The following HSPA4L variants were observed in gnomAD, a reference collection of about 807,000 sequenced individuals.
HSPA4L encodes the protein heat shock 70 kDa protein 4L.
A neutral mutation model predicts 100.3 loss-of-function variants in HSPA4L; 48 were observed. The ratio of observed to expected loss-of-function variants is 0.48; its 90% CI spans 0.38 to 0.61. The LOEUF is 0.61. HSPA4L is among the 20% of genes least tolerant of loss of function. The probability of loss-of-function intolerance (pLI) is 0.00; values close to 1 mark genes in which losing one functional copy is unlikely to be tolerated. For missense variants in HSPA4L, 886 were observed against 988.6 expected, an observed-to-expected ratio of 0.90 and a Z score of 1.39; for synonymous variants, 319 against 328.2, an observed-to-expected ratio of 0.97 and a Z score of 0.30.
Position 127,835,354 on chromosome 4 carries a change from A to ATTG in HSPA4L, c.*2483_*2485dup, listed in dbSNP as rs1734179782. ...AGTTGTACTGTGATTATAAAAAACAATTGTTAAATAATATAATGGAAGTTT... is the reference window on the plus strand; with the variant it reads ...AGTTGTACTGTGATTATAAAAAACAATTGTTGTTAAATAATATAATGGAAGTTT... On this transcript the variant is annotated 3_prime_UTR_variant, in exon 19 of 19. Coordinates refer to ENST00000296464, the MANE Select transcript of HSPA4L (RefSeq NM_014278.4). 1 of 152,218 alleles carries ATTG rather than the reference A, an allele frequency of 6.6e-6. No homozygotes were observed. The highest frequency in any genetic ancestry group is 2.4e-5 in the African/African-American group (1 of 41,454). 9.4% of individuals were successfully genotyped at this position (152,218 alleles called of 1,614,324 possible).
At chr4:127,791,506 T>A (rs1416672993) in intron 1 of HSPA4L, among the ~76,000 whole-genome samples, 5 of 152,246 alleles carry the variant, frequency 3.3e-5, no homozygotes, top group African/African-American at 1.2e-4. Flanking sequence ...ACTAGCCACA[T>A]TTCATGTGCA....
Position 127,803,754 on chromosome 4 carries a change from G to T in HSPA4L, c.789G>T (p.Leu263Phe), listed in dbSNP as rs148220546. Residue 263 changes from leucine (L) to phenylalanine (F), a missense_variant, in exon 7 of 19, where the codon TTG (leucine) becomes TTT (phenylalanine). Coordinates refer to ENST00000296464, the MANE Select transcript of HSPA4L (RefSeq NM_014278.4). ...KINVKENSRA[L>F]LRLYQECEKL... is the part of the protein sequence containing the mutation. The stretch of plus-strand genomic sequence containing the variant: ...ATGTGAAAGAAAACTCTCGGGCCTT[G>T]TTGCGTTTATATCAGGAATGTGAAA... 1.5e-5 allele frequency: 24 copies of T among 1,613,826 alleles called. No individual in the cohort carries two copies. In the Admixed American group the frequency reaches 2.2e-4, roughly 15 times the overall value.
At chr4:127,827,253 TTC>T (rs1733970182) in intron 16 of HSPA4L, 50 bp from the exon 17 acceptor site, 2 of 1,527,446 alleles carry the variant, frequency 1.3e-6, no homozygotes, top group Non-Finnish European at 9.0e-7. Flanking sequence ...TATAAAAGTT[TTC>T]TGTTAAAACT....
chr4:127,815,937 G>A (rs1003598442), intron 12 of HSPA4L, among the ~76,000 whole-genome samples: 1 of 152,184 alleles, frequency 6.6e-6, no homozygotes, highest in African/African-American at 2.4e-5. Flanking sequence ...TGTCCAGGCA[G>A]AGTGAATAAC....
chr4:127,794,042 T>C (rs746550365), intron 1 of HSPA4L, 35 bp from the exon 2 acceptor site: 1 of 1,498,684 alleles, frequency 6.7e-7, no homozygotes, highest in Non-Finnish European at 9.1e-7. Context: ...AATATAAAAG[T>C]ACCATGGAAC....
intron 12 of HSPA4L, among the ~76,000 whole-genome samples, chr4:127,812,516 T>C (rs1268894593): frequency 6.6e-6 from 1 of 152,112 alleles, no homozygotes; most frequent in African/African-American, 2.4e-5. Context: ...AGGAGAACTT[T>C]ATCGTATTTA....
Position 127,839,874 on chromosome 4 carries a change from A to T in HSPA4L, c.*7000A>T, listed in dbSNP as rs1004306848. On this transcript the variant is annotated 3_prime_UTR_variant, in exon 19 of 19. Transcript: ENST00000296464. Reference sequence around the variant, plus strand: ...GTCCTTTAATACCATAGCAAATAGAAGCAATTTTTAATGAGGTTACTGAAT... The same window carrying T: ...GTCCTTTAATACCATAGCAAATAGATGCAATTTTTAATGAGGTTACTGAAT... 1 of 152,182 alleles carries T rather than the reference A, an allele frequency of 6.6e-6. No individual in the cohort carries two copies. The highest frequency in any genetic ancestry group is 6.5e-5 in the Admixed American group (1 of 15,278). The allele number at this position is 152,182 out of a possible 1,614,324, so 9.4% of individuals were successfully genotyped here. A position where few individuals can be genotyped will look rare whatever the true frequency, so the allele number is the denominator to read the frequency against.
At chr4:127,791,860 C>T (rs1228831035) in intron 1 of HSPA4L, among the ~76,000 whole-genome samples, 1 of 152,154 alleles carries the variant, frequency 6.6e-6, no homozygotes, top group East Asian at 1.9e-4. Flanking sequence ...TCTGTTATAG[C>T]ACCTAGTTTA....
chr4:127,815,725 G>T (rs1405060334), intron 12 of HSPA4L, among the ~76,000 whole-genome samples: 1 of 152,162 alleles, frequency 6.6e-6, no homozygotes, highest in Middle Eastern at 3.4e-3. Flanking sequence ...AGATTGAAAA[G>T]GTTGCCACCC....
Position 127,822,809 on chromosome 4 carries a change from A to T in HSPA4L, c.1853A>T (p.Asn618Ile). The T allele has an allele frequency of 6.2e-7, 1 of 1,613,896 alleles. No homozygotes were observed. Among genetic ancestry groups the T allele is most frequent in the Non-Finnish European group, 8.5e-7 (1 of 1,179,852 alleles). The change falls in exon 15 of 19, where the codon AAT (asparagine) becomes ATT (isoleucine). Residue 618 changes from asparagine (N) to isoleucine (I), a missense_variant. Physicochemically the swap from Asn to Ile is moderately radical, Grantham distance 149. Coordinates refer to ENST00000296464, the MANE Select transcript of HSPA4L (RefSeq NM_014278.4). Reference sequence around the variant, plus strand: ...CAAGATAAGTTAGAGAAAGAAAGAAATGATGCTAAGAATGCCGTTGAAGAA... The same window carrying T: ...CAAGATAAGTTAGAGAAAGAAAGAATTGATGCTAAGAATGCCGTTGAAGAA... ...IMQDKLEKERNDAKNAVEEYV... is the reference protein window; with the variant it reads ...IMQDKLEKERIDAKNAVEEYV...
intron 8 of HSPA4L, 56 bp from the exon 9 acceptor site, chr4:127,805,017 C>G: frequency 8.5e-7 from 1 of 1,170,608 alleles, no homozygotes; most frequent in Middle Eastern, 2.9e-4. Flanking sequence ...CTCGACAAAG[C>G]CTTCTGTTGA....
rs374886094 is a variant in HSPA4L at position 127,834,960 on chromosome 4, AAT to A, written c.*2094_*2095del. The A allele has an allele frequency of 6.6e-6, 1 of 152,124 alleles. No individual in the cohort carries two copies. Among genetic ancestry groups the A allele is most frequent in the Non-Finnish European group, 1.5e-5 (1 of 68,016 alleles). 9.4% of individuals were successfully genotyped at this position (152,124 alleles called of 1,614,324 possible). A position where few individuals can be genotyped will look rare whatever the true frequency, so the allele number is the denominator to read the frequency against. ...TCATTTAATAACTTATATACATCCAAATATATATACTTTTTCTACCCAATTAT... is the reference window on the plus strand; with the variant it reads ...TCATTTAATAACTTATATACATCCAAATATATACTTTTTCTACCCAATTAT... On this transcript the variant is annotated 3_prime_UTR_variant, in exon 19 of 19. Transcript: ENST00000296464.
chr4:127,801,458 C>CGTGTGTGTGTGT (rs33966471), intron 5 of HSPA4L, among the ~76,000 whole-genome samples: 3 of 144,756 alleles, frequency 2.1e-5, no homozygotes, highest in African/African-American at 7.8e-5. Context: ...TATAAAAATA[C>CGTGTGTGTGTGT]GTGTGTGTGT....
chr4:127,801,740 G>A (rs972580265), intron 5 of HSPA4L, 45 bp from the exon 6 acceptor site: 2 of 1,504,726 alleles, frequency 1.3e-6, no homozygotes, highest in African/African-American at 2.8e-5. Context: ...TGTTTTCCAA[G>A]TAATTACTGT....
At chr4:127,803,926 G>A in intron 7 of HSPA4L, 53 bp downstream of exon 7, 1 of 1,606,280 alleles carries the variant, frequency 6.2e-7, no homozygotes, top group Non-Finnish European at 8.5e-7. Flanking sequence ...ATAATGTTTA[G>A]ATCACGTCTG....
chr4:127,811,832 C>T (rs769869353), intron 12 of HSPA4L, among the ~76,000 whole-genome samples, 196 bp downstream of exon 12: 3 of 152,158 alleles, frequency 2.0e-5, no homozygotes, highest in Admixed American at 6.5e-5. Flanking sequence ...ACATCTTTCA[C>T]GTTGTCACAT....
Position 127,811,494 on chromosome 4 carries a change from AGG to A in HSPA4L, c.1437_1438del (p.Lys479AsnfsTer2). The A allele has an allele frequency of 6.2e-7, 1 of 1,614,038 alleles. No individual in the cohort carries two copies. Among genetic ancestry groups the A allele is most frequent in the South Asian group, 1.1e-5 (1 of 91,070 alleles). On this transcript the variant is annotated frameshift_variant, in exon 12 of 19. Coordinates refer to ENST00000296464, the MANE Select transcript of HSPA4L (RefSeq NM_014278.4). LOFTEE classifies it high-confidence loss of function. ...TCTGATGGTGATAGTTCCAAAGTGA[AGG>A]TTAAAGTTCGTGTTAACATCCATGG...
intron 18 of HSPA4L, among the ~76,000 whole-genome samples, chr4:127,831,802 T>C (rs1177208606): frequency 6.6e-6 from 1 of 152,068 alleles, no homozygotes; most frequent in African/African-American, 2.4e-5. Context: ...AGATGGAATT[T>C]CAGGGGATTT....
intron 10 of HSPA4L, among the ~76,000 whole-genome samples, chr4:127,807,734 T>C (rs1030470908): frequency 1.3e-5 from 2 of 152,180 alleles, no homozygotes; most frequent in Admixed American, 6.5e-5. Flanking sequence ...ACATTGGCCT[T>C]AAAATATACG....
Sources: allele counts gnomAD v4.1 joint callset (sites outside exome capture counted in the v4.1 genomes callset), GRCh38; gene constraint gnomAD v4.1.1; transcripts MANE v1.5; gene names NCBI Gene and HGNC (gene_info 2026-07-23, HGNC 2026-07-21).